The following PRELID2 variants were observed in gnomAD, a reference collection of about 807,000 sequenced individuals.
The protein encoded by PRELID2 is PRELI domain-containing protein 2.
Under a neutral mutation model 28.4 loss-of-function variants are expected in PRELID2, and 25 were observed. The observed-to-expected ratio is 0.88, with a 90% CI of 0.64 to 1.23. PRELID2 has a LOEUF of 1.23. PRELID2 is among the 50% of genes most tolerant of loss of function. PRELID2 has a pLI of 0.00. For missense variants in PRELID2, 201 were observed against 214.4 expected (o/e 0.94, Z 0.39); for synonymous variants, 76 against 71.6 (o/e 1.06, Z -0.31).
At chr5:145,330,709 C>T in the PRELID2 span, among the ~76,000 whole-genome samples, 1 of 152,012 alleles carries the variant, frequency 6.6e-6, no homozygotes, top group Non-Finnish European at 1.5e-5. Context: ...TTTTGTTAAT[C>T]TTTTCAAAAA....
chr5:145,514,795 C>G (rs1180160167), intron 1 of PRELID2, among the ~76,000 whole-genome samples: 2 of 151,928 alleles, frequency 1.3e-5, no homozygotes, highest in Non-Finnish European at 2.9e-5. Context: ...AAAAGGAAAT[C>G]ATAACAAACA....
chr5:145,468,964 GGTGTTTTAGACATGAA>G (rs1752027832), downstream of PRELID2, among the ~76,000 whole-genome samples: 1 of 151,982 alleles, frequency 6.6e-6, no homozygotes, highest in African/African-American at 2.4e-5. Flanking sequence ...CATTGCTTCT[GGTGTTTTAGACATGAA>G]GTCCTTATTT....
At chr5:145,640,015 T>C (rs911971779) in intron 1 of PRELID2, among the ~76,000 whole-genome samples, 9 of 152,134 alleles carry the variant, frequency 5.9e-5, no homozygotes, top group African/African-American at 2.2e-4. Flanking sequence ...GGTCTGTATA[T>C]TGGCATTTGT....
At chr5:145,309,354 G>T in the PRELID2 span, among the ~76,000 whole-genome samples, 1 of 152,128 alleles carries the variant, frequency 6.6e-6, no homozygotes, top group African/African-American at 2.4e-5. Context: ...ATGAGCAAAG[G>T]CACTGGGGTT....
intron 1 of PRELID2, among the ~76,000 whole-genome samples, chr5:145,648,904 G>T (rs1305273539): frequency 2.0e-5 from 3 of 151,572 alleles, no homozygotes; most frequent in African/African-American, 7.3e-5. Context: ...CTTAACAATG[G>T]TTCAATTTCT....
rs184864009 is a variant in PRELID2, at chr5:145,703,488, C to A, written n.70+61443G>T. Reference sequence around the variant, plus strand: ...CTGCCCCAGTTTCAAGCCACACATGCTAACCCTAAATGCTCCAGGGAAAAG... The same window carrying A: ...CTGCCCCAGTTTCAAGCCACACATGATAACCCTAAATGCTCCAGGGAAAAG... On this transcript the variant is annotated intron_variant and non_coding_transcript_variant, in intron 1 of 2. Coordinates refer to the PRELID2 transcript ENST00000510259. Among the ~76,000 whole-genome samples the A allele has an allele frequency of 3.3e-5, 5 of 152,306 alleles. No individual in the cohort carries two copies. In the East Asian group the frequency reaches 9.7e-4, roughly 29 times the overall value.
chr5:145,447,078 TA>T, the PRELID2 span, among the ~76,000 whole-genome samples: 1 of 150,470 alleles, frequency 6.6e-6, no homozygotes, highest in East Asian at 1.9e-4. Flanking sequence ...AATAAATAAA[TA>T]AATAAAAATT....
At chr5:145,258,914 G>T in the PRELID2 span, among the ~76,000 whole-genome samples, 15 of 152,134 alleles carry the variant, frequency 9.9e-5, no homozygotes, top group African/African-American at 3.6e-4. Context: ...GGACTGAATG[G>T]TTTCTTGTAC....
At chr5:145,410,100 T>G in the PRELID2 span, among the ~76,000 whole-genome samples, 1 of 152,170 alleles carries the variant, frequency 6.6e-6, no homozygotes, top group African/African-American at 2.4e-5. Flanking sequence ...GGATACTTGG[T>G]AAGCCACATG....
intron 1 of PRELID2, among the ~76,000 whole-genome samples, chr5:145,723,052 T>C (rs1561558146): frequency 6.6e-6 from 1 of 152,172 alleles, no homozygotes; most frequent in Non-Finnish European, 1.5e-5. Context: ...ATGAAGCAAG[T>C]ATAATATTGA....
chr5:145,677,936 T>C (rs1476142384), intron 1 of PRELID2, among the ~76,000 whole-genome samples: 1 of 152,176 alleles, frequency 6.6e-6, no homozygotes, highest in Non-Finnish European at 1.5e-5. Context: ...GGCATTCACA[T>C]AGGTAACCAT....
the PRELID2 span, among the ~76,000 whole-genome samples, chr5:145,389,213 GC>G: frequency 6.6e-6 from 1 of 152,044 alleles, no homozygotes; most frequent in Non-Finnish European, 1.5e-5. Flanking sequence ...AAAGATCTAG[GC>G]AGATCTGCAC....
chr5:145,302,722 A>C, the PRELID2 span, among the ~76,000 whole-genome samples: 1 of 152,112 alleles, frequency 6.6e-6, no homozygotes, highest in African/African-American at 2.4e-5. Flanking sequence ...CTCTTTTTAA[A>C]ATAGTATATA....
the PRELID2 span, among the ~76,000 whole-genome samples, chr5:145,247,390 G>GCT: frequency 6.6e-6 from 1 of 152,108 alleles, no homozygotes; most frequent in African/African-American, 2.4e-5. Context: ...TGACAAATTG[G>GCT]CTCTGTCTAG....
At chr5:145,709,127 A>G (rs1430068484) in intron 1 of PRELID2, among the ~76,000 whole-genome samples, 1 of 152,186 alleles carries the variant, frequency 6.6e-6, no homozygotes, top group Non-Finnish European at 1.5e-5. Context: ...TACAGTTGCT[A>G]TTCTTGCGTC....
At chr5:145,657,577 C>T (rs1263258711) in intron 1 of PRELID2, among the ~76,000 whole-genome samples, 6 of 152,014 alleles carry the variant, frequency 3.9e-5, no homozygotes, top group African/African-American at 9.7e-5. Context: ...CCTAGCTACT[C>T]GGAAGGTTGA....
chr5:145,601,299 T>C (rs1753393648), intron 1 of PRELID2, among the ~76,000 whole-genome samples: 1 of 152,092 alleles, frequency 6.6e-6, no homozygotes, highest in Non-Finnish European at 1.5e-5. Flanking sequence ...AATAAATTGC[T>C]TAGCCTGAAA....
chr5:145,732,716 T>C (rs930831461), intron 1 of PRELID2, among the ~76,000 whole-genome samples: 10 of 152,178 alleles, frequency 6.6e-5, no homozygotes, highest in African/African-American at 9.7e-5. Context: ...AAATTGTAGA[T>C]GAAATGTTGA....
chr5:145,777,640 C>T (rs931982018), intron 5 of PRELID2, among the ~76,000 whole-genome samples: 2 of 152,182 alleles, frequency 1.3e-5, no homozygotes, highest in African/African-American at 4.8e-5. Context: ...ATGAAGCTGG[C>T]AGGAGCCCAG....
Sources: allele counts gnomAD v4.1 joint callset (sites outside exome capture counted in the v4.1 genomes callset), GRCh38; gene constraint gnomAD v4.1.1; transcripts MANE v1.5; gene names NCBI Gene and HGNC (gene_info 2026-07-23, HGNC 2026-07-21).